Variants in SORCS2 observed in about 807,000 individuals in gnomAD.
SORCS2 encodes the protein VPS10 domain-containing receptor SorCS2.
SORCS2 carries 100 observed loss-of-function variants against 141.6 expected under a neutral mutation model. The ratio of observed to expected loss-of-function variants is 0.71; its 90% CI spans 0.60 to 0.83. The LOEUF (loss-of-function observed/expected upper bound fraction) is 0.83, where lower values mean the gene tolerates loss of function less well. Ranked by LOEUF, SORCS2 falls within the 40% of genes least tolerant of loss-of-function variation. The pLI, the probability that SORCS2 is intolerant of heterozygous loss-of-function variation, is 0.00. For synonymous variants in SORCS2, 789 were observed against 676.9 expected, an observed-to-expected ratio of 1.17 and a Z score of -2.57; for missense variants, 1,646 against 1,560.2, an observed-to-expected ratio of 1.05 and a Z score of -0.93.
At chr4:7,540,190 CCCTCCCT>C (rs1484125392) in intron 3 of SORCS2, among the ~76,000 whole-genome samples, 1 of 131,956 alleles carries the variant, frequency 7.6e-6, no homozygotes, top group African/African-American at 2.9e-5. Context: ...CCCTCCCTGC[CCCTCCCT>C]GCCCCTCCCT....
chr4:7,673,809 G>A lies in SORCS2; in HGVS notation c.1162-2241G>A, dbSNP rs938545710. 1.6e-4 allele frequency among the ~76,000 whole-genome samples: 25 copies of A among 152,198 alleles called. No homozygotes were observed. The South Asian group carries it at 2.5e-3, about 15-fold the overall frequency. ...ACGGCATCCTGACGACATGGTTGAC[G>A]CCAAGCCCCCGAGCTCAAAGCACCC... On this transcript the variant is annotated intron_variant, in intron 8 of 26. Coordinates refer to ENST00000507866, the MANE Select transcript of SORCS2 (RefSeq NM_020777.3).
At chr4:7,231,274 T>C (rs944737601) in intron 1 of SORCS2, among the ~76,000 whole-genome samples, 1 of 152,228 alleles carries the variant, frequency 6.6e-6, no homozygotes, top group African/African-American at 2.4e-5. Flanking sequence ...TTGTCTTCTA[T>C]TCAGACCTTT....
At chr4:7,712,925 A>G in intron 15 of SORCS2, 72 bp downstream of exon 15, 22 of 1,581,540 alleles carry the variant, frequency 1.4e-5, no homozygotes, top group Non-Finnish European at 1.7e-5. Context: ...CTGCCTGCCA[A>G]AGTCCTCCCC....
At chr4:7,718,257 C>T (rs992634332) in intron 18 of SORCS2, 74 bp downstream of exon 18, 45 of 1,522,912 alleles carry the variant, frequency 3.0e-5, no homozygotes, top group Middle Eastern at 4.7e-4. Context: ...GCAGAAGGCA[C>T]GGTGAGGGTG....
At chr4:7,597,051 C>T (rs995475887) in intron 3 of SORCS2, among the ~76,000 whole-genome samples, 4 of 151,526 alleles carry the variant, frequency 2.6e-5, no homozygotes, top group African/African-American at 4.9e-5. Flanking sequence ...TGGCTTCCTC[C>T]GTGAGATAAA....
chr4:7,724,728 GGATGGTGGTAGTA>G (rs1269580678), intron 19 of SORCS2, among the ~76,000 whole-genome samples: 23 of 73,742 alleles, frequency 3.1e-4, no homozygotes, highest in East Asian at 6.4e-4. Flanking sequence ...TGGTGGGAAT[GGATGGTGGTAGTA>G]GTGGTGATGG....
intron 1 of SORCS2, among the ~76,000 whole-genome samples, chr4:7,390,002 G>T (rs2109096493): frequency 6.6e-6 from 1 of 152,250 alleles, no homozygotes; most frequent in Middle Eastern, 3.4e-3. Context: ...CCTGGGGTGG[G>T]GCTGCCTGTG....
intron 2 of SORCS2, chr4:7,434,498 TG>T: frequency 1.9e-6 from 3 of 1,612,354 alleles, no homozygotes; most frequent in Non-Finnish European, 2.5e-6. Flanking sequence ...GCCGGGGCAC[TG>T]TCCGGGGCCC....
chr4:7,543,679 C>T (rs1206399601), intron 3 of SORCS2, among the ~76,000 whole-genome samples: 16 of 80,126 alleles, frequency 2.0e-4, no homozygotes, highest in East Asian at 6.9e-4. Flanking sequence ...CATCCATCCA[C>T]CCATCCACCC....
chr4:7,403,875 C>T (rs80055363), intron 2 of SORCS2, among the ~76,000 whole-genome samples: 10,605 of 147,138 alleles, frequency 0.072, 773 homozygotes, highest in African/African-American at 0.17. Context: ...ACTGTATGCA[C>T]GAAGTAATTT....
At chr4:7,315,048 GTC>G (rs1718469518) in intron 1 of SORCS2, among the ~76,000 whole-genome samples, 1 of 151,900 alleles carries the variant, frequency 6.6e-6, no homozygotes, top group African/African-American at 2.4e-5. Flanking sequence ...GGCCAGGCTG[GTC>G]TCGAACTCCT....
intron 1 of SORCS2, among the ~76,000 whole-genome samples, chr4:7,314,325 TTTTTTTATTTTTTTTATTTTTTTTTA>T (rs1462804475): frequency 1.1e-5 from 1 of 93,714 alleles, no homozygotes; most frequent in African/African-American, 3.7e-5. Flanking sequence ...ATCATGGCCT[TTTTTTTATTTTTTTTATTTTTTTTTA>T]TTTTTTGAGA....
rs80081564 is a variant in SORCS2 at position 7,369,529 on chromosome 4, C to T, written c.481-26759C>T. 1.4e-3 allele frequency among the ~76,000 whole-genome samples: 206 copies of T among 152,294 alleles called. 6 individuals carry two copies. The East Asian group carries it at 0.034, about 25-fold the overall frequency. On this transcript the variant is annotated intron_variant, in intron 1 of 26. Transcript: ENST00000507866. ...CCGTATTTGCTAAGCCACACAGGCT[C>T]CAGAGGCTTGACTTGGGGGCGTGTC...
At chr4:7,720,745 G>T (rs537561833) in intron 18 of SORCS2, among the ~76,000 whole-genome samples, 28 of 152,280 alleles carry the variant, frequency 1.8e-4, no homozygotes, top group Non-Finnish European at 2.9e-5. Context: ...ACGAAAAGAT[G>T]ACAAACGCCA....
chr4:7,374,419 G>A (rs960730008), intron 1 of SORCS2, among the ~76,000 whole-genome samples: 1 of 152,116 alleles, frequency 6.6e-6, no homozygotes, highest in South Asian at 2.1e-4. Context: ...CTCACATCAT[G>A]AGCAAGGTGG....
In SORCS2 at chr4:7,734,801, G is replaced by A. The variant is rs150782331; in HGVS notation, c.3311+427G>A. Among the ~76,000 whole-genome samples the A allele has an allele frequency of 7.2e-3, 1,100 of 152,212 alleles. 12 individuals are homozygous for A. The highest frequency in any genetic ancestry group is 0.02 in the Middle Eastern group (6 of 294). The stretch of plus-strand genomic sequence containing the variant: ...GCCCGCCCACATCCCAGGGTTCCTC[G>A]GCCGCCCGCCCATCCCTTCCCTCCC... On this transcript the variant is annotated intron_variant, in intron 25 of 26. Transcript: ENST00000507866.
At chr4:7,260,951 G>A (rs1357277009) in intron 1 of SORCS2, among the ~76,000 whole-genome samples, 3 of 152,186 alleles carry the variant, frequency 2.0e-5, no homozygotes, top group African/African-American at 4.8e-5. Context: ...GGCGCTCATA[G>A]CACTGAACTT....
At chr4:7,634,572 T>C (rs1172715279) in intron 3 of SORCS2, among the ~76,000 whole-genome samples, 1 of 152,006 alleles carries the variant, frequency 6.6e-6, no homozygotes. Flanking sequence ...ATTGAATGAG[T>C]AAACAATGGA....
intron 2 of SORCS2, among the ~76,000 whole-genome samples, chr4:7,522,737 T>G (rs1425835729): frequency 1.5e-5 from 1 of 67,972 alleles, no homozygotes; most frequent in Non-Finnish European, 3.2e-5. Flanking sequence ...CCTCCTTCCT[T>G]CCTTTCTTTC....
Sources: allele counts gnomAD v4.1 joint callset (sites outside exome capture counted in the v4.1 genomes callset), GRCh38; gene constraint gnomAD v4.1.1; transcripts MANE v1.5; gene names NCBI Gene and HGNC (gene_info 2026-07-23, HGNC 2026-07-21).